The following PTPRD variants were observed in gnomAD, a reference collection of about 807,000 sequenced individuals.
PTPRD encodes the protein protein tyrosine phosphatase receptor type D, also known as receptor-type tyrosine-protein phosphatase delta.
Under a neutral mutation model 214.5 loss-of-function variants are expected in PTPRD, and 34 were observed. The ratio of observed to expected loss-of-function variants is 0.16; its 90% CI spans 0.12 to 0.21. The LOEUF is 0.21. PTPRD is among the 10% of genes least tolerant of loss of function. The probability of loss-of-function intolerance (pLI) is 1.00; values close to 1 mark genes in which losing one functional copy is unlikely to be tolerated. For missense variants in PTPRD, 2,545 were observed against 2,398.7 expected, an observed-to-expected ratio of 1.06 and a Z score of -1.27; for synonymous variants, 1,128 against 845.7, an observed-to-expected ratio of 1.33 and a Z score of -5.79.
At chr9:8,911,353 C>A (rs2098745808) in intron 11 of PTPRD, among the ~76,000 whole-genome samples, 1 of 151,258 alleles carries the variant, frequency 6.6e-6, no homozygotes, top group Admixed American at 6.6e-5. Context: ...AAAAGATGGT[C>A]CTTTCAATAA....
At chr9:9,658,339 G>A (rs1004761043) in intron 7 of PTPRD, among the ~76,000 whole-genome samples, 3 of 152,194 alleles carry the variant, frequency 2.0e-5, no homozygotes, top group African/African-American at 7.2e-5. Context: ...CCCGAACTGG[G>A]TTGGCTGTTT....
chr9:8,895,980 T>C (rs1566886545), intron 11 of PTPRD, among the ~76,000 whole-genome samples: 1 of 152,192 alleles, frequency 6.6e-6, no homozygotes, highest in Non-Finnish European at 1.5e-5. Context: ...TAAAAATCCT[T>C]AAAAAATCAA....
At chr9:10,000,621 A>C (rs1394049694) in intron 4 of PTPRD, among the ~76,000 whole-genome samples, 1 of 152,196 alleles carries the variant, frequency 6.6e-6, no homozygotes, top group African/African-American at 2.4e-5. Flanking sequence ...GCAGATATAG[A>C]GGGTAAAAGT....
intron 10 of PTPRD, among the ~76,000 whole-genome samples, chr9:9,086,103 A>G (rs1041173095): frequency 3.3e-5 from 5 of 152,184 alleles, no homozygotes; most frequent in African/African-American, 9.7e-5. Context: ...CTTGGACTTC[A>G]ATTTTCTTTT....
chr9:8,885,366 A>G (rs1040486812), intron 11 of PTPRD, among the ~76,000 whole-genome samples: 3 of 152,082 alleles, frequency 2.0e-5, no homozygotes, highest in African/African-American at 7.2e-5. Context: ...GCAAACTAAG[A>G]TGATTGGTTA....
At chr9:9,708,553 T>C (rs1392219906) in intron 7 of PTPRD, among the ~76,000 whole-genome samples, 1 of 152,082 alleles carries the variant, frequency 6.6e-6, no homozygotes, top group Non-Finnish European at 1.5e-5. Flanking sequence ...TCATTGAGTG[T>C]GAATTTTACT....
At chr9:10,078,604 A>G (rs755226890) in intron 3 of PTPRD, among the ~76,000 whole-genome samples, 6 of 151,026 alleles carry the variant, frequency 4.0e-5, no homozygotes, top group South Asian at 2.1e-4. Context: ...AAATATCCCA[A>G]TCAGGGGGTG....
At chr9:9,368,672 A>G (rs2058557887) in intron 9 of PTPRD, among the ~76,000 whole-genome samples, 1 of 151,934 alleles carries the variant, frequency 6.6e-6, no homozygotes, top group Admixed American at 6.6e-5. Flanking sequence ...AGGTAATGAC[A>G]CTGAATAATA....
intron 7 of PTPRD, among the ~76,000 whole-genome samples, chr9:9,678,899 A>G (rs1056174892): frequency 6.6e-6 from 1 of 151,856 alleles, no homozygotes; most frequent in Non-Finnish European, 1.5e-5. Context: ...GTGGCAGTTC[A>G]AAAATCACTC....
chr9:9,674,501 A>G (rs2096892226), intron 7 of PTPRD, among the ~76,000 whole-genome samples: 1 of 151,990 alleles, frequency 6.6e-6, no homozygotes, highest in East Asian at 1.9e-4. Context: ...ATATGTTAAT[A>G]AACCAGCTGA....
intron 11 of PTPRD, among the ~76,000 whole-genome samples, chr9:8,773,329 C>T (rs1186040008): frequency 3.9e-5 from 6 of 152,150 alleles, no homozygotes; most frequent in African/African-American, 1.4e-4. Flanking sequence ...TACCCAGACA[C>T]TCGGCCCCAT....
At chr9:9,079,050 T>C (rs979630355) in intron 10 of PTPRD, among the ~76,000 whole-genome samples, 1 of 152,080 alleles carries the variant, frequency 6.6e-6, no homozygotes, top group Non-Finnish European at 1.5e-5. Context: ...TATCATTTAT[T>C]TGTGTTGGTA....
At chr9:8,974,072 T>A (rs1589147159) in intron 11 of PTPRD, among the ~76,000 whole-genome samples, 1 of 152,116 alleles carries the variant, frequency 6.6e-6, no homozygotes, top group Admixed American at 6.6e-5. Flanking sequence ...TTTGCCAACT[T>A]TTGTTTTTGT....
rs149795474 is a variant in PTPRD at position 9,368,297 on chromosome 9, T to G, written c.-203+29152A>C. ...ATGACTTGAGCCTCACAGGATTTTA[T>G]GAGGTTTATATGAGCTCACATGTGA... is the stretch of plus-strand genomic sequence containing the variant. On this transcript the variant is annotated intron_variant, in intron 9 of 45. Transcript: ENST00000381196. 7.1e-4 allele frequency among the ~76,000 whole-genome samples: 103 copies of G among 144,212 alleles called. 2 individuals are homozygous for G. In the East Asian group the frequency reaches 0.02, roughly 28 times the overall value. The allele number at this position is 144,212 out of a possible 152,430, so 94.6% of individuals were successfully genotyped here.
chr9:9,278,034 T>C (rs530864845), intron 9 of PTPRD, among the ~76,000 whole-genome samples: 1 of 151,424 alleles, frequency 6.6e-6, no homozygotes, highest in Non-Finnish European at 1.5e-5. Flanking sequence ...AAAGTGTTAA[T>C]AAATAAGAGT....
At chr9:9,268,498 G>A (rs576411926) in intron 9 of PTPRD, among the ~76,000 whole-genome samples, 3 of 151,024 alleles carry the variant, frequency 2.0e-5, no homozygotes, top group African/African-American at 4.8e-5. Context: ...ATTTTCCACA[G>A]AAATAGAGAA....
intron 8 of PTPRD, among the ~76,000 whole-genome samples, chr9:9,421,301 C>G (rs1305452912): frequency 3.4e-5 from 5 of 149,244 alleles, no homozygotes; most frequent in African/African-American, 1.2e-4. Context: ...AAAAATTATA[C>G]CAGTGTTACA....
intron 3 of PTPRD, among the ~76,000 whole-genome samples, chr9:10,079,331 G>T (rs1012279241): frequency 1.3e-5 from 2 of 152,094 alleles, no homozygotes; most frequent in Non-Finnish European, 2.9e-5. Context: ...GGCCACGTAT[G>T]CAGGGATTTC....
intron 2 of PTPRD, among the ~76,000 whole-genome samples, chr9:10,386,421 T>C (rs1586871719): frequency 2.0e-5 from 3 of 151,954 alleles, no homozygotes; most frequent in Admixed American, 6.6e-5. Flanking sequence ...CTTTATCACA[T>C]AGGGTTGAGG....
Sources: allele counts gnomAD v4.1 joint callset (sites outside exome capture counted in the v4.1 genomes callset), GRCh38; gene constraint gnomAD v4.1.1; transcripts MANE v1.5; gene names NCBI Gene and HGNC (gene_info 2026-07-23, HGNC 2026-07-21).